The following TRMT10B variants were observed in gnomAD, a reference collection of about 807,000 sequenced individuals.
The protein encoded by TRMT10B is tRNA methyltransferase 10B.
A neutral mutation model predicts 43.8 loss-of-function variants in TRMT10B; 33 were observed. The observed-to-expected ratio is 0.75, with a 90% CI of 0.57 to 1.01. TRMT10B has a LOEUF of 1.01. TRMT10B is among the 50% of genes least tolerant of loss of function. The pLI is 0.00. For missense variants in TRMT10B, 362 were observed against 369.8 expected (o/e 0.98, Z 0.17); for synonymous variants, 137 against 130.6 (o/e 1.05, Z -0.34).
intron 4 of TRMT10B, among the ~76,000 whole-genome samples, chr9:37,766,447 T>C (rs1022215815): frequency 9.2e-5 from 14 of 152,220 alleles, no homozygotes; most frequent in Non-Finnish European, 1.6e-4. Flanking sequence ...TATATCTGTT[T>C]TGGTACCAGT....
At chr9:37,753,122 T>C (rs1456816435), upstream of TRMT10B, among the ~76,000 whole-genome samples, 6 of 149,556 alleles carry the variant, frequency 4.0e-5, no homozygotes, top group East Asian at 6.0e-4. Context: ...TAACACTCAT[T>C]GCGAAGATCT....
chr9:37,769,726 T>C, intron 5 of TRMT10B: 2 of 554,062 alleles, frequency 3.6e-6, no homozygotes, highest in South Asian at 4.0e-5. Context: ...CTCCTAAGTA[T>C]TATAGCTGGG....
At chr9:37,763,966 T>C in intron 4 of TRMT10B, 1 of 807,692 alleles carries the variant, frequency 1.2e-6, no homozygotes, top group Non-Finnish European at 1.8e-6. Flanking sequence ...TTTGCAAATT[T>C]TTACCTTGTC....
intron 3 of TRMT10B, among the ~76,000 whole-genome samples, chr9:37,763,171 AAAAAAAT>A (rs1826599350): frequency 6.8e-6 from 1 of 147,664 alleles, no homozygotes; most frequent in Admixed American, 6.9e-5. Context: ...AAAAACAAAA[AAAAAAAT>A]TTAAGGCTGC....
At chr9:37,771,262 A>G (rs1447453496) in intron 7 of TRMT10B, among the ~76,000 whole-genome samples, 3 of 152,138 alleles carry the variant, frequency 2.0e-5, no homozygotes, top group Non-Finnish European at 1.5e-5. Context: ...TTACATAGAT[A>G]ATAAGTTTAA....
At chr9:37,753,371 G>A (rs1825166762), upstream of TRMT10B, among the ~76,000 whole-genome samples, 1 of 152,182 alleles carries the variant, frequency 6.6e-6, no homozygotes, top group Non-Finnish European at 1.5e-5. Flanking sequence ...CAAGGGATGG[G>A]ATATAATATC....
At chr9:37,760,615 G>A (rs1262431487) in intron 1 of TRMT10B, among the ~76,000 whole-genome samples, 4 of 152,212 alleles carry the variant, frequency 2.6e-5, no homozygotes, top group Non-Finnish European at 4.4e-5. Flanking sequence ...AAATAATGAT[G>A]TAAGCATATG....
At chr9:37,762,977 CAAAAAAA>C (rs57643861) in intron 3 of TRMT10B, among the ~76,000 whole-genome samples, 1 of 85,164 alleles carries the variant, frequency 1.2e-5, no homozygotes, top group Non-Finnish European at 2.3e-5. Flanking sequence ...ACTAAAAATA[CAAAAAAA>C]AAAAAAAAAA....
chr9:37,770,054 T>G, intron 6 of TRMT10B, 35 bp downstream of exon 6: 1 of 1,556,908 alleles, frequency 6.4e-7, no homozygotes, highest in Non-Finnish European at 8.9e-7. Flanking sequence ...GTATAGCCCA[T>G]TGTTCCTGTG....
chr9:37,759,070 T>C (rs1054091017), intron 1 of TRMT10B, among the ~76,000 whole-genome samples: 2 of 152,212 alleles, frequency 1.3e-5, no homozygotes, highest in African/African-American at 4.8e-5. Context: ...TAAAATGGTA[T>C]AATACTTTGG....
chr9:37,756,343 G>C (rs1825668844), intron 1 of TRMT10B, among the ~76,000 whole-genome samples: 1 of 151,938 alleles, frequency 6.6e-6, no homozygotes, highest in African/African-American at 2.4e-5. Flanking sequence ...AGATGACTCT[G>C]ATGGTATAAA....
intron 1 of TRMT10B, among the ~76,000 whole-genome samples, chr9:37,756,838 G>GTA (rs1387832218): frequency 3.3e-5 from 5 of 151,194 alleles, no homozygotes; most frequent in African/African-American, 1.2e-4. Flanking sequence ...GCGTGTGTAT[G>GTA]TATGTGTGTA....
intron 8 of TRMT10B, among the ~76,000 whole-genome samples, chr9:37,777,022 C>T (rs909933702): frequency 2.7e-5 from 4 of 150,678 alleles, no homozygotes; most frequent in East Asian, 1.9e-4. Context: ...GGAGAAACAC[C>T]GTCTCTACTA....
At chr9:37,775,655 T>A (rs1436683639) in intron 7 of TRMT10B, among the ~76,000 whole-genome samples, 2 of 152,162 alleles carry the variant, frequency 1.3e-5, no homozygotes, top group Non-Finnish European at 2.9e-5. Flanking sequence ...AACTTCAGCC[T>A]CCAGAGTAGC....
upstream of TRMT10B, chr9:37,753,681 T>C (rs1249026101): frequency 6.6e-6 from 1 of 152,322 alleles, no homozygotes; most frequent in Non-Finnish European, 1.5e-5. Flanking sequence ...CCGCCAGGGC[T>C]GGGAGTAGAA....
At position 37,762,400 on chromosome 9, in the gene TRMT10B, TC is replaced by T. The variant is rs140823939; in HGVS notation, c.187-176del. ...ACCTTGACCAGGTCATGTCTCTTTT[TC>T]TGGGGCTCTGTTTTCTCTAAACACG... On this transcript the variant is annotated intron_variant, in intron 2 of 8. Transcript: ENST00000297994. The T allele has an allele frequency of 1.2e-3, 1,226 of 999,392 alleles. 12 individuals carry two copies. In the African/African-American group the frequency reaches 0.018, roughly 15 times the overall value. 61.9% of individuals were successfully genotyped at this position (999,392 alleles called of 1,614,324 possible).
chr9:37,755,812 A>T (rs1337398079), intron 1 of TRMT10B, among the ~76,000 whole-genome samples: 1 of 152,216 alleles, frequency 6.6e-6, no homozygotes, highest in Non-Finnish European at 1.5e-5. Context: ...TGGTGGCGGT[A>T]AACTTCAGTT....
At chr9:37,768,038 G>T (rs1428672807) in intron 4 of TRMT10B, 38 bp from the exon 5 acceptor site, 1 of 1,607,400 alleles carries the variant, frequency 6.2e-7, no homozygotes, top group Non-Finnish European at 8.5e-7. Context: ...GAGTGAGTTG[G>T]CATGTTTTTG....
At chr9:37,753,081 A>AACAACTCCAG (rs1825115785), upstream of TRMT10B, among the ~76,000 whole-genome samples, 1 of 151,878 alleles carries the variant, frequency 6.6e-6, no homozygotes, top group Non-Finnish European at 1.5e-5. Context: ...AGAGCGAAGG[A>AACAACTCCAG]ACAACTCCAG....
Sources: gnomAD v4.1 joint callset for allele counts (sites outside exome capture counted in the v4.1 genomes callset) on GRCh38, gnomAD v4.1.1 for gene constraint, MANE v1.5 for transcripts, NCBI Gene and HGNC (gene_info 2026-07-23, HGNC 2026-07-21) for gene names.